CDH18: variants seen among roughly 807,000 people sequenced by gnomAD.
CDH18 encodes the protein cadherin 18.
CDH18 carries 31 observed loss-of-function variants against 67.9 expected under a neutral mutation model. That is an observed-to-expected ratio of 0.46 (90% CI 0.34 to 0.62). CDH18 has a LOEUF of 0.62. Ranked by LOEUF, CDH18 falls within the 20% of genes least tolerant of loss-of-function variation. CDH18 has a pLI of 0.01. For synonymous variants in CDH18, 362 were observed against 347.2 expected, an observed-to-expected ratio of 1.04 and a Z score of -0.48; for missense variants, 890 against 975.5, an observed-to-expected ratio of 0.91 and a Z score of 1.17.
intron 3 of CDH18, among the ~76,000 whole-genome samples, chr5:19,781,128 G>A (rs1276646460): frequency 2.6e-5 from 4 of 151,840 alleles, no homozygotes; most frequent in Non-Finnish European, 5.9e-5. Context: ...TATTTTTCAC[G>A]ATATTAATTA....
At chr5:20,303,722 C>G (rs893421384) in intron 1 of CDH18, among the ~76,000 whole-genome samples, 5 of 151,968 alleles carry the variant, frequency 3.3e-5, no homozygotes, top group African/African-American at 1.2e-4. Context: ...GTTGTAAGAG[C>G]CTTTGGGAAA....
chr5:19,537,854 T>A (rs1749663914), intron 9 of CDH18, among the ~76,000 whole-genome samples: 1 of 152,216 alleles, frequency 6.6e-6, no homozygotes, highest in Admixed American at 6.6e-5. Context: ...TAATATATTC[T>A]GCATGAGTTA....
At chr5:20,385,971 T>C (rs892109883) in intron 1 of CDH18, among the ~76,000 whole-genome samples, 4 of 152,188 alleles carry the variant, frequency 2.6e-5, no homozygotes, top group Non-Finnish European at 4.4e-5. Flanking sequence ...ATTTCATAGG[T>C]GTAGTTGTTA....
At chr5:20,055,782 T>C (rs1486221123) in intron 2 of CDH18, among the ~76,000 whole-genome samples, 1 of 152,160 alleles carries the variant, frequency 6.6e-6, no homozygotes, top group African/African-American at 2.4e-5. Context: ...TTGAAAATAT[T>C]GAAGTCAACA....
chr5:19,567,958 C>A (rs1447439392), intron 8 of CDH18, among the ~76,000 whole-genome samples: 1 of 152,186 alleles, frequency 6.6e-6, no homozygotes, highest in Non-Finnish European at 1.5e-5. Flanking sequence ...GAAACATTCA[C>A]ATGACTATTC....
intron 2 of CDH18, among the ~76,000 whole-genome samples, chr5:20,122,189 G>C (rs1053604217): frequency 1.3e-5 from 2 of 152,170 alleles, no homozygotes; most frequent in Non-Finnish European, 2.9e-5. Flanking sequence ...TTCAGGGAAC[G>C]CTATCCACAG....
At chr5:19,521,954 A>G (rs1746967603) in intron 9 of CDH18, among the ~76,000 whole-genome samples, 1 of 152,056 alleles carries the variant, frequency 6.6e-6, no homozygotes, top group Non-Finnish European at 1.5e-5. Context: ...CCAATACTAG[A>G]CACTACCACT....
chr5:20,303,315 C>A (rs1580706552), intron 1 of CDH18, among the ~76,000 whole-genome samples: 1 of 152,084 alleles, frequency 6.6e-6, no homozygotes, highest in African/African-American at 2.4e-5. Context: ...TCCTGGCAAT[C>A]CCCCTATATC....
rs563991949 is a variant in CDH18 at position 20,288,895 on chromosome 5, C to A, written c.-579-33390G>T. Among the ~76,000 whole-genome samples, 8 of 151,952 alleles carry A rather than the reference C, an allele frequency of 5.3e-5. No individual in the cohort carries two copies. The East Asian group carries it at 1.5e-3, about 29-fold the overall frequency. On this transcript the variant is annotated intron_variant, in intron 1 of 14. Coordinates refer to the CDH18 transcript ENST00000507958. ...TTAAGATATATTTCAAAAAATAATTCTTCACATTTCTTAATCTGAACTATT... is the reference window on the plus strand; with the variant it reads ...TTAAGATATATTTCAAAAAATAATTATTCACATTTCTTAATCTGAACTATT...
intron 2 of CDH18, among the ~76,000 whole-genome samples, chr5:20,142,988 T>A (rs1750365103): frequency 6.6e-6 from 1 of 151,882 alleles, no homozygotes; most frequent in Admixed American, 6.6e-5. Flanking sequence ...AATATAGAGG[T>A]AGTTTGGGAT....
chr5:20,566,819 A>G (rs867821615), intron 1 of CDH18, among the ~76,000 whole-genome samples: 4 of 152,194 alleles, frequency 2.6e-5, no homozygotes, highest in Non-Finnish European at 4.4e-5. Flanking sequence ...ACAAAGAGTG[A>G]AAGACAGTTA....
intron 1 of CDH18, among the ~76,000 whole-genome samples, chr5:20,518,434 T>A (rs570721320): frequency 9.7e-4 from 148 of 152,138 alleles, no homozygotes; most frequent in Non-Finnish European, 1.5e-3. Context: ...AGTATGATTA[T>A]GTGGGCTCCC....
At chr5:20,071,725 G>GA (rs1448835389) in intron 2 of CDH18, among the ~76,000 whole-genome samples, 10 of 151,954 alleles carry the variant, frequency 6.6e-5, no homozygotes, top group Non-Finnish European at 8.8e-5. Context: ...GAACAATTTG[G>GA]AAAATTCAAG....
chr5:20,547,663 A>C (rs1757415699), intron 1 of CDH18, among the ~76,000 whole-genome samples: 1 of 152,188 alleles, frequency 6.6e-6, no homozygotes, highest in South Asian at 2.1e-4. Flanking sequence ...AGGACATCCT[A>C]GTCAACATGT....
At chr5:19,677,063 T>C (rs1370806818) in intron 5 of CDH18, among the ~76,000 whole-genome samples, 1 of 152,010 alleles carries the variant, frequency 6.6e-6, no homozygotes, top group African/African-American at 2.4e-5. Flanking sequence ...TGCCGGTAAT[T>C]TGAATATTTG....
intron 12 of CDH18, among the ~76,000 whole-genome samples, chr5:19,479,057 T>C (rs1465152230): frequency 2.0e-5 from 3 of 152,192 alleles, no homozygotes; most frequent in Admixed American, 1.3e-4. Context: ...TTGAACCATA[T>C]GCAATCTTTA....
chr5:19,572,540 T>C (rs900234795), intron 7 of CDH18, among the ~76,000 whole-genome samples: 1 of 152,184 alleles, frequency 6.6e-6, no homozygotes, highest in African/African-American at 2.4e-5. Context: ...TACCATACAC[T>C]GGGTGGCTTA....
chr5:19,885,681 C>T lies in CDH18; in HGVS notation c.-256-46439G>A, dbSNP rs147269455. Among the ~76,000 whole-genome samples the T allele has an allele frequency of 1.3e-3, 194 of 152,254 alleles. 1 individual carries two copies. Among genetic ancestry groups the T allele is most frequent in the African/African-American group, 4.5e-3 (188 of 41,556 alleles). ...GCTCAAGTAATCCTCCTGTTTCAGC[C>T]TCCTGAGCAAGCTAGGACTACAGGC... On this transcript the variant is annotated intron_variant, in intron 2 of 12. Coordinates refer to ENST00000382275, the MANE Select transcript of CDH18 (RefSeq NM_004934.5).
intron 2 of CDH18, among the ~76,000 whole-genome samples, chr5:20,028,912 C>T (rs1248459510): frequency 2.6e-5 from 4 of 152,076 alleles, no homozygotes; most frequent in African/African-American, 7.2e-5. Flanking sequence ...ATCTTAATTC[C>T]TTACACATGC....
Sources: gnomAD v4.1 joint callset for allele counts (sites outside exome capture counted in the v4.1 genomes callset) on GRCh38, gnomAD v4.1.1 for gene constraint, MANE v1.5 for transcripts, NCBI Gene and HGNC (gene_info 2026-07-23, HGNC 2026-07-21) for gene names.